The following PLEKHH2 variants were observed in gnomAD, a reference collection of about 807,000 sequenced individuals.
PLEKHH2 encodes the protein pleckstrin homology, MyTH4 and FERM domain containing H2.
Under a neutral mutation model 187.9 loss-of-function variants are expected in PLEKHH2, and 129 were observed. That is an observed-to-expected ratio of 0.69 (90% CI 0.59 to 0.79). PLEKHH2 has a LOEUF of 0.79. Ranked by LOEUF, PLEKHH2 falls within the 30% of genes least tolerant of loss-of-function variation. The probability of loss-of-function intolerance (pLI) is 0.00; values close to 1 mark genes in which losing one functional copy is unlikely to be tolerated. For missense variants in PLEKHH2, 2,076 were observed against 1,751.2 expected, an observed-to-expected ratio of 1.19 and a Z score of -3.31; for synonymous variants, 686 against 605.6, an observed-to-expected ratio of 1.13 and a Z score of -1.95.
At chr2:43,667,167 G>T (rs1667258831) in intron 2 of PLEKHH2, among the ~76,000 whole-genome samples, 1 of 151,078 alleles carries the variant, frequency 6.6e-6, no homozygotes, top group South Asian at 2.1e-4. Context: ...ATGGTTAAAG[G>T]AAATGTCATG....
Position 43,708,335 on chromosome 2 carries a change from G to A in PLEKHH2, c.1966+790G>A, listed in dbSNP as rs552799658. On this transcript the variant is annotated intron_variant, in intron 11 of 29. Transcript: ENST00000282406. Reference sequence around the variant, plus strand: ...CTTGACCTCATCTCCTTTCTTCTCTGTACTCAGCTCCAGTCTCACTGGCCC... The same window carrying A: ...CTTGACCTCATCTCCTTTCTTCTCTATACTCAGCTCCAGTCTCACTGGCCC... 5.3e-5 allele frequency among the ~76,000 whole-genome samples: 8 copies of A among 152,244 alleles called. No individual in the cohort carries two copies. In the South Asian group the frequency reaches 1.7e-3, roughly 32 times the overall value.
At chr2:43,715,848 G>C (rs954595979) in intron 15 of PLEKHH2, among the ~76,000 whole-genome samples, 4 of 152,148 alleles carry the variant, frequency 2.6e-5, no homozygotes, top group Non-Finnish European at 4.4e-5. Context: ...TGGAGGGCTG[G>C]ATTGGAGAGA....
intron 2 of PLEKHH2, 120 bp from the exon 3 acceptor site, chr2:43,678,743 G>C: frequency 3.3e-6 from 2 of 613,452 alleles, no homozygotes; most frequent in South Asian, 4.1e-5. Flanking sequence ...TGGAAGTGGA[G>C]GTGGAGGTGG....
At chr2:43,714,627 A>G (rs114550913) in intron 15 of PLEKHH2, among the ~76,000 whole-genome samples, 4,988 of 152,324 alleles carry the variant, frequency 0.033, 120 homozygotes, top group South Asian at 0.093. Context: ...ATTTGATTCT[A>G]GACAGTCACT....
intron 3 of PLEKHH2, among the ~76,000 whole-genome samples, chr2:43,689,341 C>G (rs1019491048): frequency 6.6e-6 from 1 of 152,226 alleles, no homozygotes; most frequent in Non-Finnish European, 1.5e-5. Flanking sequence ...AGCCTAAAAA[C>G]AGGAAGCATT....
At chr2:43,656,608 A>G (rs764405733) in intron 2 of PLEKHH2, among the ~76,000 whole-genome samples, 1 of 152,262 alleles carries the variant, frequency 6.6e-6, no homozygotes, top group African/African-American at 2.4e-5. Flanking sequence ...CTATTGCTGC[A>G]TAAAAAACTA....
intron 9 of PLEKHH2, among the ~76,000 whole-genome samples, chr2:43,704,756 A>T (rs1669569155): frequency 6.6e-6 from 1 of 151,222 alleles, no homozygotes; most frequent in Non-Finnish European, 1.5e-5. Flanking sequence ...AGTGATTTGC[A>T]TTGCTATTTC....
intron 29 of PLEKHH2, 102 bp downstream of exon 29, chr2:43,764,467 T>C: frequency 1.6e-6 from 2 of 1,261,966 alleles, no homozygotes; most frequent in Non-Finnish European, 2.2e-6. Flanking sequence ...TATTAAAACA[T>C]TTATTCAGCA....
Position 43,699,875 on chromosome 2 carries a change from T to C in PLEKHH2, c.917T>C (p.Leu306Pro). Residue 306 changes from leucine (L) to proline (P), a missense_variant, in exon 8 of 30, where the codon CTC becomes CCC. Transcript: ENST00000282406. ...TCCAAGTCCAGATGCACATCCACCC[T>C]CTCCAGTCACACATCTGAGGAAGGG... ...GRSKSRCTST[L>P]SSHTSEEGVQ... 1 of 1,613,996 alleles carries C rather than the reference T, an allele frequency of 6.2e-7. No individual in the cohort carries two copies. The highest frequency in any genetic ancestry group is 8.5e-7 in the Non-Finnish European group (1 of 1,179,984).
intron 25 of PLEKHH2, among the ~76,000 whole-genome samples, chr2:43,755,385 G>C (rs1672177662): frequency 6.6e-6 from 1 of 152,130 alleles, no homozygotes; most frequent in Non-Finnish European, 1.5e-5. Flanking sequence ...TCTCTCCTCT[G>C]TATGCTGACT....
At chr2:43,721,974 T>G (rs1670501710) in intron 16 of PLEKHH2, among the ~76,000 whole-genome samples, 2 of 152,046 alleles carry the variant, frequency 1.3e-5, no homozygotes, top group Admixed American at 6.6e-5. Context: ...AATACAAAAT[T>G]GTGCTGTCAA....
chr2:43,741,056 C>T lies in PLEKHH2; in HGVS notation c.3221+13C>T. 6.3e-7 allele frequency: 1 copy of T among 1,596,288 alleles called. No individual in the cohort carries two copies. The highest frequency in any genetic ancestry group is 1.3e-5 in the African/African-American group (1 of 74,506). On this transcript the variant is annotated intron_variant, in intron 21 of 29. Transcript: ENST00000282406. ...ATGCAGATTCCAGGTGTGCAGAATA[C>T]TAGCCAGCTGAACTGTTTATGTGGC...
Position 43,700,195 on chromosome 2 carries a change from C to T in PLEKHH2, c.1237C>T (p.Pro413Ser). The part of the protein sequence containing the change: ...EANTPSPILT[P>S]ALMPKHPNSL... Reference sequence around the variant, plus strand: ...CAACACCCCAAGCCCTATTTTGACCCCAGCTTTAATGCCAAAGCATCCTAA... The same window carrying T: ...CAACACCCCAAGCCCTATTTTGACCTCAGCTTTAATGCCAAAGCATCCTAA... The change falls in exon 8 of 30, where the codon CCA becomes TCA. Residue 413 changes from proline to serine, a missense_variant. Pro to Ser is a moderately conservative substitution (Grantham distance 74). Transcript: ENST00000282406. The T allele has an allele frequency of 6.2e-7, 1 of 1,614,106 alleles. No homozygotes were observed. The highest frequency in any genetic ancestry group is 8.5e-7 in the Non-Finnish European group (1 of 1,180,012).
At chr2:43,760,531 T>A (rs1672386292) in intron 27 of PLEKHH2, among the ~76,000 whole-genome samples, 1 of 152,024 alleles carries the variant, frequency 6.6e-6, no homozygotes, top group Non-Finnish European at 1.5e-5. Context: ...CTCAGCTAAT[T>A]TTTATATTTT....
intron 3 of PLEKHH2, chr2:43,680,650 G>T: frequency 6.1e-6 from 2 of 327,026 alleles, no homozygotes; most frequent in South Asian, 3.0e-5. Context: ...TGCAGTGTCT[G>T]TTTGTTTAGT....
Position 43,762,292 on chromosome 2 carries a change from A to G in PLEKHH2, c.4072-12A>G. 6.3e-7 allele frequency: 1 copy of G among 1,587,830 alleles called. No homozygotes were observed. The highest frequency in any genetic ancestry group is 2.2e-5 in the East Asian group (1 of 44,676). On this transcript the variant is annotated splice_polypyrimidine_tract_variant and intron_variant, in intron 27 of 29. Coordinates refer to ENST00000282406, the MANE Select transcript of PLEKHH2 (RefSeq NM_172069.4). ...AGTATTTATAATATAGTGTATTTTCACCTCTTCATAGCCCATAACTCCATC... is the reference window on the plus strand; with the variant it reads ...AGTATTTATAATATAGTGTATTTTCGCCTCTTCATAGCCCATAACTCCATC...
chr2:43,762,599 T>C (rs1672473334), intron 28 of PLEKHH2, among the ~76,000 whole-genome samples: 1 of 152,224 alleles, frequency 6.6e-6, no homozygotes. Context: ...GTTTATTGTG[T>C]ATGAGAAAAA....
At chr2:43,675,168 TTTTA>T (rs1667681382) in intron 2 of PLEKHH2, 1 of 423,120 alleles carries the variant, frequency 2.4e-6, no homozygotes, top group Admixed American at 3.9e-5. Context: ...TAATAGTATA[TTTTA>T]TTTAATGCAA....
intron 22 of PLEKHH2, 45 bp downstream of exon 22, chr2:43,742,963 C>T: frequency 7.2e-7 from 1 of 1,391,012 alleles, no homozygotes; most frequent in Non-Finnish European, 9.5e-7. Flanking sequence ...ATCCTATGTA[C>T]AACCTCTGTT....
Sources: allele counts gnomAD v4.1 joint callset (sites outside exome capture counted in the v4.1 genomes callset), GRCh38; gene constraint gnomAD v4.1.1; transcripts MANE v1.5; gene names NCBI Gene and HGNC (gene_info 2026-07-23, HGNC 2026-07-21).